Variants in PNPLA3 observed in about 807,000 individuals in gnomAD.
PNPLA3 encodes 1-acylglycerol-3-phosphate O-acyltransferase PNPLA3.
In PNPLA3, 42 loss-of-function variants were observed where a neutral mutation model predicts 43.1. That is an observed-to-expected ratio of 0.97 (90% CI 0.76 to 1.26). The LOEUF (loss-of-function observed/expected upper bound fraction) is 1.26, where lower values mean the gene tolerates loss of function less well. Among genes scored for constraint, PNPLA3 ranks in the 50% most tolerant of loss-of-function variants. The pLI is 0.00. For missense variants in PNPLA3, 647 were observed against 621.4 expected, an observed-to-expected ratio of 1.04 and a Z score of -0.44; for synonymous variants, 272 against 253.6, an observed-to-expected ratio of 1.07 and a Z score of -0.69.
At chr22:43,939,963 G>A (rs371036359) in intron 6 of PNPLA3, 30 bp from the exon 7 acceptor site, 63 of 1,614,062 alleles carry the variant, frequency 3.9e-5, no homozygotes, top group Non-Finnish European at 5.3e-5. Context: ...ACAGTGGTGG[G>A]AGATAATAGC....
chr22:43,930,353 T>A (rs781013271), intron 3 of PNPLA3, among the ~76,000 whole-genome samples: 51 of 152,114 alleles, frequency 3.4e-4, no homozygotes, highest in Non-Finnish European at 6.9e-4. Flanking sequence ...TAGTTTGGGG[T>A]CCAGGATAGT....
chr22:43,940,180 A>G lies in PNPLA3; in HGVS notation c.1112+55A>G. 24 of 1,556,614 alleles carry G rather than the reference A, an allele frequency of 1.5e-5. No homozygotes were observed. In the South Asian group the frequency reaches 2.5e-4, roughly 16 times the overall value. On this transcript the variant is annotated intron_variant, in intron 7 of 8. Coordinates refer to ENST00000216180, the MANE Select transcript of PNPLA3 (RefSeq NM_025225.3). The stretch of plus-strand genomic sequence containing the variant: ...CTCACAGGGTTGATATGAGGATGAA[A>G]CAAGATGATAGATCATGGTGGCATG...
chr22:43,923,989 C>G lies in PNPLA3; in HGVS notation c.78C>G (p.Thr26=). The change falls in exon 1 of 9, where the codon ACC becomes ACG. Residue 26 remains threonine (T), a synonymous_variant. Coordinates refer to ENST00000216180, the MANE Select transcript of PNPLA3 (RefSeq NM_025225.3). ...TGGGCTTCTACCACGTCGGGGCGACCCGCTGCCTGAGCGAGCACGCCCCGC... is the reference window on the plus strand; with the variant it reads ...TGGGCTTCTACCACGTCGGGGCGACGCGCTGCCTGAGCGAGCACGCCCCGC... ...GFLGFYHVGA[T]RCLSEHAPHL... The G allele has an allele frequency of 6.3e-7, 1 of 1,584,868 alleles. No individual in the cohort carries two copies. The highest frequency in any genetic ancestry group is 8.5e-7 in the Non-Finnish European group (1 of 1,174,176).
intron 3 of PNPLA3, among the ~76,000 whole-genome samples, chr22:43,931,649 G>T (rs2049962455): frequency 6.6e-6 from 1 of 152,174 alleles, no homozygotes; most frequent in Non-Finnish European, 1.5e-5. Context: ...CCGAGCAGCT[G>T]AGATTACAAG....
In PNPLA3 at chr22:43,924,027, ACG is replaced by A; in HGVS notation, c.122_123del (p.Arg41HisfsTer82). ...GAGCACGCCCCGCACCTCCTCCGCG[ACG>A]CGCGCATGTTGTTCGGCGCTTCGGC... is the stretch of plus-strand genomic sequence containing the variant. On this transcript the variant is annotated frameshift_variant, in exon 1 of 9. Transcript: ENST00000216180. LOFTEE classifies it high-confidence loss of function. The A allele has an allele frequency of 6.3e-7, 1 of 1,582,006 alleles. No individual in the cohort carries two copies. Among genetic ancestry groups the A allele is most frequent in the South Asian group, 1.1e-5 (1 of 88,734 alleles).
chr22:43,934,507 G>A, intron 4 of PNPLA3, 99 bp from the exon 5 acceptor site: 1 of 1,246,978 alleles, frequency 8.0e-7, no homozygotes, highest in Non-Finnish European at 1.2e-6. Flanking sequence ...CTCAGAGCTT[G>A]CATGATTCTT....
chr22:43,947,230 A>T lies in PNPLA3; in HGVS notation c.*848A>T, dbSNP rs1444603453. 6.3e-6 allele frequency: 1 copy of T among 159,418 alleles called. No homozygotes were observed. Among genetic ancestry groups the T allele is most frequent in the African/African-American group, 2.4e-5 (1 of 41,406 alleles). 9.9% of individuals were successfully genotyped at this position (159,418 alleles called of 1,614,324 possible). A position where few individuals can be genotyped will look rare whatever the true frequency, so the allele number is the denominator to read the frequency against. On this transcript the variant is annotated 3_prime_UTR_variant, in exon 9 of 9. Transcript: ENST00000216180. ...AAAAATTATCTGGGCATGGTGGTGCATGCCTGTAATCCCAGCTATTCGGAA... is the reference window on the plus strand; with the variant it reads ...AAAAATTATCTGGGCATGGTGGTGCTTGCCTGTAATCCCAGCTATTCGGAA...
intron 5 of PNPLA3, 39 bp downstream of exon 5, chr22:43,934,705 C>G (rs1477402238): frequency 6.4e-7 from 1 of 1,558,144 alleles, no homozygotes; most frequent in African/African-American, 1.4e-5. Flanking sequence ...GCCCTTTTGA[C>G]AAGCATTTAC....
intron 1 of PNPLA3, among the ~76,000 whole-genome samples, chr22:43,924,949 C>T (rs2049912239): frequency 6.6e-6 from 1 of 152,090 alleles, no homozygotes; most frequent in Non-Finnish European, 1.5e-5. Context: ...CTCCCTGCTG[C>T]CTACGCTCTC....
chr22:43,936,852 C>T (rs111364059), intron 5 of PNPLA3, among the ~76,000 whole-genome samples, 199 bp from the exon 6 acceptor site: 6 of 152,328 alleles, frequency 3.9e-5, no homozygotes, highest in East Asian at 1.9e-4. Context: ...GCCAAGCTCA[C>T]GTGTGTCCTG....
At chr22:43,941,899 A>C (rs1201480338) in intron 7 of PNPLA3, among the ~76,000 whole-genome samples, 1 of 152,160 alleles carries the variant, frequency 6.6e-6, no homozygotes, top group Non-Finnish European at 1.5e-5. Context: ...GGAAGGGAGA[A>C]CGAAGAGCCT....
chr22:43,940,251 C>A, intron 7 of PNPLA3, 126 bp downstream of exon 7: 1 of 1,167,848 alleles, frequency 8.6e-7, no homozygotes, highest in Non-Finnish European at 1.2e-6. Flanking sequence ...AGCTCACAGT[C>A]TATGTGCAAT....
chr22:43,933,589 G>T (rs1279556998), intron 4 of PNPLA3, among the ~76,000 whole-genome samples: 2 of 151,990 alleles, frequency 1.3e-5, no homozygotes, highest in Non-Finnish European at 2.9e-5. Context: ...GCCCAGGCTG[G>T]TCTCACACTC....
chr22:43,937,565 C>T (rs1426233276), intron 6 of PNPLA3, among the ~76,000 whole-genome samples: 1 of 152,194 alleles, frequency 6.6e-6, no homozygotes, highest in Non-Finnish European at 1.5e-5. Context: ...CTGCCTGTGG[C>T]AGCTGGGCCC....
At chr22:43,945,436 T>C (rs1027042823) in intron 8 of PNPLA3, among the ~76,000 whole-genome samples, 2 of 152,200 alleles carry the variant, frequency 1.3e-5, no homozygotes, top group Middle Eastern at 3.2e-3. Flanking sequence ...CTGAAAATCA[T>C]AGGCCTTGGT....
chr22:43,945,242 G>A (rs1383584897), intron 8 of PNPLA3, among the ~76,000 whole-genome samples: 3 of 152,168 alleles, frequency 2.0e-5, no homozygotes, highest in African/African-American at 7.2e-5. Context: ...CGTGTGGCTA[G>A]GTGCCTGGTA....
At chr22:43,938,264 A>G (rs1023742663) in intron 6 of PNPLA3, among the ~76,000 whole-genome samples, 5 of 152,242 alleles carry the variant, frequency 3.3e-5, no homozygotes, top group African/African-American at 1.2e-4. Flanking sequence ...AGAAATTCAA[A>G]AATGAGTCAG....
intron 7 of PNPLA3, among the ~76,000 whole-genome samples, chr22:43,941,659 G>A (rs564270815): frequency 1.1e-3 from 172 of 152,292 alleles, no homozygotes; most frequent in African/African-American, 4.1e-3. Context: ...TTAGGCCAGG[G>A]CACTGCAATT....
rs1029775443 is a variant in PNPLA3, at chr22:43,941,239, C to G, written c.1112+1114C>G. ...CTAGGCATAGTTTGTTAATATGATT[C>G]AGAGCCAGCAGTTAGGAGAACACAG... On this transcript the variant is annotated intron_variant, in intron 7 of 8. Coordinates refer to ENST00000216180, the MANE Select transcript of PNPLA3 (RefSeq NM_025225.3). Among the ~76,000 whole-genome samples, 8 of 146,586 alleles carry G rather than the reference C, an allele frequency of 5.5e-5. No homozygotes were observed. The East Asian group carries it at 1.6e-3, about 30-fold the overall frequency.
Sources: gnomAD v4.1 joint callset for allele counts (sites outside exome capture counted in the v4.1 genomes callset) on GRCh38, gnomAD v4.1.1 for gene constraint, MANE v1.5 for transcripts, NCBI Gene and HGNC (gene_info 2026-07-23, HGNC 2026-07-21) for gene names.